Variants in WASF3 observed in about 807,000 individuals in gnomAD.
The protein encoded by WASF3 is WASP family member 3.
WASF3 carries 11 observed loss-of-function variants against 46.6 expected under a neutral mutation model. That is an observed-to-expected ratio of 0.24 (90% CI 0.15 to 0.39). The LOEUF (loss-of-function observed/expected upper bound fraction) is 0.39. Ranked by LOEUF, WASF3 falls within the 10% of genes least tolerant of loss-of-function variation. The pLI, the probability that WASF3 is intolerant of heterozygous loss-of-function variation, is 1.00. For missense variants in WASF3, 576 were observed against 669.8 expected (o/e 0.86, Z 1.55); for synonymous variants, 242 against 259.7 (o/e 0.93, Z 0.65).
intron 1 of WASF3, chr13:26,606,490 G>A (rs1229211385): frequency 6.6e-6 from 1 of 151,348 alleles, no homozygotes; most frequent in African/African-American, 2.4e-5. Context: ...TGAGTAGCTG[G>A]AACTACAGGT....
At chr13:26,630,150 C>T (rs965757827) in intron 2 of WASF3, among the ~76,000 whole-genome samples, 6 of 151,992 alleles carry the variant, frequency 3.9e-5, no homozygotes, top group Non-Finnish European at 7.4e-5. Flanking sequence ...ATGAGTTTTA[C>T]TGTTGTTAAG....
In WASF3 at chr13:26,582,171, A is replaced by G. The variant is rs532297627; in HGVS notation, c.-109+24352A>G. Among the ~76,000 whole-genome samples the G allele has an allele frequency of 5.3e-5, 8 of 152,294 alleles. No individual in the cohort carries two copies. In the East Asian group the frequency reaches 1.2e-3, roughly 22 times the overall value. ...GTAGGTTATACATAAATGCAATTAC[A>G]TACGGATGGTTCCTGACTATACCTA... On this transcript the variant is annotated intron_variant, in intron 1 of 9. Coordinates refer to ENST00000335327, the MANE Select transcript of WASF3 (RefSeq NM_006646.6).
At chr13:26,653,375 ATTCCTTG>A (rs1382836223) in intron 3 of WASF3, among the ~76,000 whole-genome samples, 2 of 152,176 alleles carry the variant, frequency 1.3e-5, no homozygotes, top group Non-Finnish European at 2.9e-5. Flanking sequence ...CCACAGCAAG[ATTCCTTG>A]AAGGATGTAT....
intron 2 of WASF3, among the ~76,000 whole-genome samples, chr13:26,633,196 A>ATTTC (rs1881706227): frequency 4.5e-5 from 1 of 22,166 alleles, no homozygotes; most frequent in African/African-American, 1.5e-4. Flanking sequence ...GATCTTAGTT[A>ATTTC]TTTCTTTTTT....
the WASF3 span, among the ~76,000 whole-genome samples, chr13:26,539,864 A>G: frequency 6.6e-6 from 1 of 152,076 alleles, no homozygotes; most frequent in Non-Finnish European, 1.5e-5. Flanking sequence ...TTTTCCTGGG[A>G]TATCTTTTGA....
At position 26,582,772 on chromosome 13, in the gene WASF3, G is replaced by C. The variant is rs1353237279; in HGVS notation, c.-109+24953G>C. Among the ~76,000 whole-genome samples the C allele has an allele frequency of 2.0e-5, 3 of 148,108 alleles. No homozygotes were observed. In the South Asian group the frequency reaches 6.5e-4, roughly 32 times the overall value. ...TGTAAATAATAAAGTGCTTAGTACT[G>C]TACCGAGAATAGAAAATTTCCCAGT... On this transcript the variant is annotated intron_variant, in intron 1 of 9. Coordinates refer to ENST00000335327, the MANE Select transcript of WASF3 (RefSeq NM_006646.6).
chr13:26,575,142 T>G (rs981301394), intron 1 of WASF3, among the ~76,000 whole-genome samples: 1 of 152,128 alleles, frequency 6.6e-6, no homozygotes, highest in Non-Finnish European at 1.5e-5. Context: ...GGCCAACCCC[T>G]TCTTATTTTT....
the WASF3 span, among the ~76,000 whole-genome samples, chr13:26,548,223 A>G: frequency 6.6e-6 from 1 of 152,138 alleles, no homozygotes; most frequent in Non-Finnish European, 1.5e-5. Context: ...GTTTTCCTTC[A>G]AATTTACTTT....
At chr13:26,558,429 G>A (rs1456530341) in intron 1 of WASF3, among the ~76,000 whole-genome samples, 2 of 147,928 alleles carry the variant, frequency 1.4e-5, no homozygotes, top group Admixed American at 6.7e-5. Context: ...GACTCTTGGA[G>A]TGCAGGGGAG....
At chr13:26,564,379 C>G (rs752026235) in intron 1 of WASF3, among the ~76,000 whole-genome samples, 2 of 152,258 alleles carry the variant, frequency 1.3e-5, no homozygotes, top group Non-Finnish European at 2.9e-5. Flanking sequence ...ACTTATTTCA[C>G]TGTGGTAACA....
At chr13:26,591,119 G>A (rs1880279829) in intron 1 of WASF3, among the ~76,000 whole-genome samples, 1 of 151,906 alleles carries the variant, frequency 6.6e-6, no homozygotes, top group South Asian at 2.1e-4. Flanking sequence ...TGTGTTCAGG[G>A]AGGAGACCTG....
At chr13:26,669,093 T>G (rs1882853135) in intron 5 of WASF3, among the ~76,000 whole-genome samples, 1 of 152,106 alleles carries the variant, frequency 6.6e-6, no homozygotes, top group Non-Finnish European at 1.5e-5. Context: ...TGATAAAATA[T>G]TTGTAGTGAT....
rs1882808605 is a variant in WASF3 at position 26,667,533 on chromosome 13, C to T, written c.285C>T (p.Ile95=). 17 of 1,613,852 alleles carry T rather than the reference C, an allele frequency of 1.1e-5. No homozygotes were observed. Among genetic ancestry groups the T allele is most frequent in the Non-Finnish European group, 1.4e-5 (16 of 1,179,906 alleles). The change falls in exon 5 of 10, where the codon ATC becomes ATT. Residue 95 remains isoleucine (I), a synonymous_variant. Transcript: ENST00000335327. ...TCTAAATAGTCTCACTACAGGATATCAACATGAAAAAAGCTTTCAAAAGTT... is the reference window on the plus strand; with the variant it reads ...TCTAAATAGTCTCACTACAGGATATTAACATGAAAAAAGCTTTCAAAAGTT... ...STVEEVSLQD[I]NMKKAFKSST...
intron 2 of WASF3, among the ~76,000 whole-genome samples, chr13:26,628,602 C>T (rs1309227922): frequency 2.0e-5 from 3 of 152,268 alleles, no homozygotes; most frequent in African/African-American, 7.2e-5. Flanking sequence ...CCTCTTCCTG[C>T]TGGCTGGAGT....
At chr13:26,608,318 G>T (rs978256444) in intron 1 of WASF3, among the ~76,000 whole-genome samples, 1 of 152,062 alleles carries the variant, frequency 6.6e-6, no homozygotes, top group Admixed American at 6.5e-5. Flanking sequence ...TAATTTTTGA[G>T]TGAATAAAGT....
At chr13:26,566,224 T>G (rs1181975696) in intron 1 of WASF3, among the ~76,000 whole-genome samples, 1 of 152,238 alleles carries the variant, frequency 6.6e-6, no homozygotes, top group Admixed American at 6.5e-5. Context: ...AAATGAAAGT[T>G]ACAGATAGAG....
At chr13:26,667,080 A>G (rs17084458) in intron 4 of WASF3, among the ~76,000 whole-genome samples, 9,054 of 152,202 alleles carry the variant, frequency 0.059, 704 homozygotes, top group African/African-American at 0.18. Flanking sequence ...AGAAAAACTT[A>G]ATGTGTTATT....
intron 3 of WASF3, among the ~76,000 whole-genome samples, chr13:26,646,738 AG>A (rs10715846): frequency 0.15 from 23,319 of 152,208 alleles, 2,377 homozygotes; most frequent in South Asian, 0.26. Context: ...CTTGAGCAGC[AG>A]GAACTTGCCC....
chr13:26,605,378 A>G (rs1160835043), intron 1 of WASF3, among the ~76,000 whole-genome samples: 3 of 152,314 alleles, frequency 2.0e-5, no homozygotes, highest in East Asian at 3.9e-4. Context: ...TGTTGATTCA[A>G]ATTCTCATGC....
Sources: allele counts gnomAD v4.1 joint callset (sites outside exome capture counted in the v4.1 genomes callset), GRCh38; gene constraint gnomAD v4.1.1; transcripts MANE v1.5; gene names NCBI Gene and HGNC (gene_info 2026-07-23, HGNC 2026-07-21).